Variants in GPC6 observed in about 807,000 individuals in gnomAD.
GPC6 encodes glypican 6, also known as glypican-6.
In GPC6, 14 loss-of-function variants were observed where a neutral mutation model predicts 55.2. That is an observed-to-expected ratio of 0.25 (90% CI 0.17 to 0.40). GPC6 has a LOEUF of 0.40. Ranked by LOEUF, GPC6 falls within the 10% of genes least tolerant of loss-of-function variation. GPC6 has a pLI of 1.00. For synonymous variants in GPC6, 278 were observed against 259.6 expected (o/e 1.07, Z -0.68); for missense variants, 641 against 708.5 (o/e 0.90, Z 1.08).
intron 6 of GPC6, among the ~76,000 whole-genome samples, chr13:94,362,770 A>G (rs948225984): frequency 5.3e-5 from 8 of 152,220 alleles, no homozygotes; most frequent in African/African-American, 1.9e-4. Context: ...GTTACAGTAA[A>G]TCAATAATAA....
intron 1 of GPC6, among the ~76,000 whole-genome samples, chr13:93,303,193 C>G (rs1008004368): frequency 4.6e-5 from 7 of 152,160 alleles, no homozygotes; most frequent in African/African-American, 7.2e-5. Flanking sequence ...CTACCTGATT[C>G]ATGAATTGTT....
At chr13:93,631,969 C>A (rs1164754242) in intron 2 of GPC6, among the ~76,000 whole-genome samples, 4 of 152,126 alleles carry the variant, frequency 2.6e-5, no homozygotes, top group Admixed American at 6.5e-5. Context: ...TGGCAGAGCT[C>A]TGCTGTGGAT....
chr13:93,522,864 T>C (rs1484611815), intron 1 of GPC6, among the ~76,000 whole-genome samples: 1 of 151,884 alleles, frequency 6.6e-6, no homozygotes, highest in Non-Finnish European at 1.5e-5. Context: ...CCTATCTGAA[T>C]TGCTACTTGG....
rs1178706867 is a variant in GPC6 at position 94,251,789 on chromosome 13, C to CT, written c.878-34551dup. Among the ~76,000 whole-genome samples the CT allele has an allele frequency of 5.3e-5, 8 of 150,024 alleles. No homozygotes were observed. The East Asian group carries it at 5.9e-4, about 11-fold the overall frequency. On this transcript the variant is annotated intron_variant, in intron 4 of 8. Coordinates refer to ENST00000377047, the MANE Select transcript of GPC6 (RefSeq NM_005708.5). ...AAAAATCAGAGCTAAGGGATGCTAT[C>CT]TTTTTTTTTCACCACCAATTGTCTC...
chr13:93,828,141 G>T (rs147212918), intron 2 of GPC6, among the ~76,000 whole-genome samples: 44 of 151,844 alleles, frequency 2.9e-4, no homozygotes, highest in African/African-American at 1.0e-3. Context: ...CAAAATAATT[G>T]ACCTCAAAAA....
chr13:93,946,134 C>A (rs569148760), intron 3 of GPC6, among the ~76,000 whole-genome samples: 4 of 152,258 alleles, frequency 2.6e-5, no homozygotes, highest in Admixed American at 6.5e-5. Flanking sequence ...TTTCTAGCTA[C>A]CAGTGTGTCA....
chr13:93,554,282 A>G (rs1443143041), intron 2 of GPC6, among the ~76,000 whole-genome samples: 1 of 152,192 alleles, frequency 6.6e-6, no homozygotes, highest in East Asian at 1.9e-4. Flanking sequence ...TCAACAGTAA[A>G]TTATACAGAG....
At chr13:93,750,036 G>A (rs1182433632) in intron 2 of GPC6, among the ~76,000 whole-genome samples, 1 of 152,132 alleles carries the variant, frequency 6.6e-6, no homozygotes, top group Non-Finnish European at 1.5e-5. Context: ...AAAAGAAAAG[G>A]TAGTGTGCAT....
At chr13:94,042,076 C>T (rs1446946664) in intron 4 of GPC6, among the ~76,000 whole-genome samples, 4 of 151,756 alleles carry the variant, frequency 2.6e-5, no homozygotes, top group African/African-American at 9.7e-5. Flanking sequence ...ACACCATCAC[C>T]GTTGCTACTG....
At chr13:93,782,237 C>T (rs1276303834) in intron 2 of GPC6, among the ~76,000 whole-genome samples, 1 of 152,132 alleles carries the variant, frequency 6.6e-6, no homozygotes, top group East Asian at 1.9e-4. Flanking sequence ...TAGGTTCATC[C>T]ATGTTGACCC....
chr13:93,900,885 G>A (rs756066752), intron 3 of GPC6, among the ~76,000 whole-genome samples: 1 of 152,262 alleles, frequency 6.6e-6, no homozygotes, highest in South Asian at 2.1e-4. Flanking sequence ...TGGAGAAATT[G>A]TAAATATTAT....
At chr13:94,267,266 G>T (rs1891846971) in intron 4 of GPC6, among the ~76,000 whole-genome samples, 1 of 152,018 alleles carries the variant, frequency 6.6e-6, no homozygotes, top group Admixed American at 6.6e-5. Flanking sequence ...CACTGGGTTT[G>T]GTTTGTTGAT....
At position 94,404,852 on chromosome 13, in the gene GPC6, T is replaced by C. The variant is rs1354310691; in HGVS notation, c.*1635T>C. On this transcript the variant is annotated 3_prime_UTR_variant, in exon 9 of 9. Transcript: ENST00000377047. ...AGTAGGCCAAAGCCAGGCCTTTCGC[T>C]CCCCCTGACAGAGAGAAGCAAAATA... 1 of 152,090 alleles carries C rather than the reference T, an allele frequency of 6.6e-6. No homozygotes were observed. The highest frequency in any genetic ancestry group is 2.4e-5 in the African/African-American group (1 of 41,408). 9.4% of individuals were successfully genotyped at this position (152,090 alleles called of 1,614,324 possible).
intron 3 of GPC6, among the ~76,000 whole-genome samples, chr13:93,900,081 G>A (rs1445078710): frequency 6.6e-6 from 1 of 152,124 alleles, no homozygotes; most frequent in Non-Finnish European, 1.5e-5. Flanking sequence ...ATGAGTGTGA[G>A]ATAGCTGATG....
intron 4 of GPC6, among the ~76,000 whole-genome samples, chr13:94,080,975 AC>A (rs1342427526): frequency 6.6e-6 from 1 of 152,148 alleles, no homozygotes; most frequent in Non-Finnish European, 1.5e-5. Flanking sequence ...CTTCTGATGA[AC>A]CTCATTGATA....
At chr13:93,905,788 T>G (rs995432205) in intron 3 of GPC6, among the ~76,000 whole-genome samples, 16 of 152,294 alleles carry the variant, frequency 1.1e-4, no homozygotes, top group Non-Finnish European at 1.8e-4. Context: ...AATTTCATGT[T>G]TGGTCAAGAT....
chr13:94,084,807 G>A (rs1255339027), intron 4 of GPC6, among the ~76,000 whole-genome samples: 1 of 152,152 alleles, frequency 6.6e-6, no homozygotes. Flanking sequence ...TTTGTGCAGT[G>A]CTGAGTCACT....
chr13:93,406,962 T>C (rs1298912973), intron 1 of GPC6, among the ~76,000 whole-genome samples: 1 of 152,206 alleles, frequency 6.6e-6, no homozygotes, highest in Non-Finnish European at 1.5e-5. Context: ...TTTGATTTTA[T>C]ATTGGATTTT....
At chr13:94,117,124 A>G (rs924418385) in intron 4 of GPC6, among the ~76,000 whole-genome samples, 37 of 152,078 alleles carry the variant, frequency 2.4e-4, no homozygotes, top group African/African-American at 8.7e-4. Flanking sequence ...CTTACTTGGT[A>G]TCCAACATAG....
Sources: allele counts gnomAD v4.1 joint callset (sites outside exome capture counted in the v4.1 genomes callset), GRCh38; gene constraint gnomAD v4.1.1; transcripts MANE v1.5; gene names NCBI Gene and HGNC (gene_info 2026-07-23, HGNC 2026-07-21).